Variants in RP1 observed in about 807,000 individuals in gnomAD.
RP1 encodes the protein oxygen-regulated protein 1.
In RP1, 16 loss-of-function variants were observed where a neutral mutation model predicts 14.8. That is an observed-to-expected ratio of 1.08 (90% confidence interval 0.73 to 1.65). The LOEUF is 1.65. Ranked by LOEUF, RP1 falls within the 40% of genes most tolerant of loss-of-function variation. RP1 has a pLI of 0.00. For missense variants in RP1, 2,631 were observed against 2,535.0 expected, an observed-to-expected ratio of 1.04 and a Z score of -0.81; for synonymous variants, 876 against 883.6, an observed-to-expected ratio of 0.99 and a Z score of 0.15.
chr8:54,778,485 C>T (rs545658143), intron 23 of RP1, among the ~76,000 whole-genome samples: 6 of 151,692 alleles, frequency 4.0e-5, no homozygotes, highest in African/African-American at 1.2e-4. Flanking sequence ...CCACCATGCC[C>T]GGCTAATTTT....
At chr8:54,701,391 A>G (rs1808012946) in intron 13 of RP1, 2 of 1,015,522 alleles carry the variant, frequency 2.0e-6, no homozygotes, top group Middle Eastern at 3.1e-4. Flanking sequence ...GTTTCCATAA[A>G]ATGAAGTAGA....
At chr8:54,837,767 C>G (rs988365590) in intron 25 of RP1, 53 of 599,424 alleles carry the variant, frequency 8.8e-5, no homozygotes, top group Non-Finnish European at 1.1e-4. Context: ...AAGGACCAGA[C>G]AGTAAATATC....
At chr8:54,828,844 C>G (rs1752788640) in intron 24 of RP1, among the ~76,000 whole-genome samples, 1 of 80,934 alleles carries the variant, frequency 1.2e-5, no homozygotes, top group African/African-American at 3.8e-5. Context: ...CCATTATAAT[C>G]TTCTTCTTCT....
intron 12 of RP1, chr8:54,696,535 G>A (rs1807867601): frequency 1.3e-6 from 1 of 774,988 alleles, no homozygotes; most frequent in African/African-American, 1.7e-5. Flanking sequence ...AAGGAAAAGG[G>A]CTCAGGTTTA....
intron 26 of RP1, among the ~76,000 whole-genome samples, chr8:54,854,308 A>G (rs1030891261): frequency 6.6e-6 from 1 of 152,228 alleles, no homozygotes; most frequent in Non-Finnish European, 1.5e-5. Flanking sequence ...AAAGTCAAAT[A>G]TAGCAAAGAA....
chr8:54,783,230 T>C (rs1422120160), intron 23 of RP1, among the ~76,000 whole-genome samples: 1 of 152,108 alleles, frequency 6.6e-6, no homozygotes, highest in African/African-American at 2.4e-5. Context: ...ATTTGACAGT[T>C]ATTTGCCTAA....
At chr8:54,639,017 C>A (rs1806407958) in intron 3 of RP1, among the ~76,000 whole-genome samples, 1 of 151,996 alleles carries the variant, frequency 6.6e-6, no homozygotes, top group Non-Finnish European at 1.5e-5. Flanking sequence ...CACATAATCA[C>A]CACTATAGTA....
exon 21 of RP1, chr8:54,755,746 G>A: frequency 6.6e-7 from 1 of 1,525,932 alleles, no homozygotes; most frequent in Non-Finnish European, 8.8e-7. Context: ...AATCTAACAT[G>A]CAAGTAAAAT....
chr8:54,699,531 T>A, exon 13 of RP1: 2 of 1,414,646 alleles, frequency 1.4e-6, no homozygotes, highest in Non-Finnish European at 9.3e-7. Flanking sequence ...AGATGAGGCA[T>A]CTTTCTCTTG....
At chr8:54,717,503 G>A (rs920538335) in intron 15 of RP1, among the ~76,000 whole-genome samples, 1 of 152,140 alleles carries the variant, frequency 6.6e-6, no homozygotes, top group Non-Finnish European at 1.5e-5. Context: ...AAATTTGATA[G>A]ATCATGTGGA....
At chr8:54,608,572 T>A (rs1282359595) in intron 1 of RP1, among the ~76,000 whole-genome samples, 2 of 152,082 alleles carry the variant, frequency 1.3e-5, no homozygotes, top group African/African-American at 4.8e-5. Context: ...AAGGGAGGAA[T>A]CTAGTGAAAA....
intron 7 of RP1, among the ~76,000 whole-genome samples, chr8:54,668,717 C>T (rs1405536163): frequency 6.6e-6 from 1 of 152,128 alleles, no homozygotes; most frequent in Non-Finnish European, 1.5e-5. Context: ...TCAGAAATAA[C>T]ACCACACATC....
At chr8:54,693,768 G>A (rs1349066622) in intron 12 of RP1, among the ~76,000 whole-genome samples, 1 of 152,028 alleles carries the variant, frequency 6.6e-6, no homozygotes, top group Non-Finnish European at 1.5e-5. Context: ...CTGCAAACAT[G>A]GACAATTTGA....
At chr8:54,819,442 T>C (rs1027477877) in intron 24 of RP1, among the ~76,000 whole-genome samples, 4 of 152,164 alleles carry the variant, frequency 2.6e-5, no homozygotes, top group African/African-American at 9.7e-5. Flanking sequence ...CACATATCTC[T>C]GTCTCTCCAG....
At chr8:54,809,774 G>A (rs1810943383) in intron 24 of RP1, among the ~76,000 whole-genome samples, 1 of 152,194 alleles carries the variant, frequency 6.6e-6, no homozygotes, top group African/African-American at 2.4e-5. Context: ...AAAAGTAAGT[G>A]GTGACTTCAG....
At position 54,627,021 on chromosome 8, in the gene RP1, C is replaced by T. The variant is rs1444150783; in HGVS notation, c.3139C>T (p.Pro1047Ser). The change falls in exon 4 of 4, where the codon CCA becomes TCA. Residue 1047 changes from proline to serine, a missense_variant. Pro to Ser is a moderately conservative substitution (Grantham distance 74). Coordinates refer to ENST00000220676, the MANE Select transcript of RP1 (RefSeq NM_006269.2). ...KSHIAAEKSG[P>S]EKKLVYQEIN... ...TCATATAGCTGCTGAAAAATCAGGACCAGAGAAAAAACTTGTTTACCAGGA... is the reference window on the plus strand; with the variant it reads ...TCATATAGCTGCTGAAAAATCAGGATCAGAGAAAAAACTTGTTTACCAGGA... 3 of 1,613,610 alleles carry T rather than the reference C, an allele frequency of 1.9e-6. No homozygotes were observed. In the African/African-American group the frequency reaches 4.0e-5, roughly 22 times the overall value.
At chr8:54,762,205 G>A (rs373098515) in intron 22 of RP1, among the ~76,000 whole-genome samples, 67 of 152,154 alleles carry the variant, frequency 4.4e-4, no homozygotes, top group African/African-American at 1.3e-3. Flanking sequence ...AGAAAATCTC[G>A]GTCATGCTCC....
chr8:54,738,998 C>T (rs1006867819), exon 19 of RP1: 9 of 1,530,864 alleles, frequency 5.9e-6, no homozygotes, highest in South Asian at 1.2e-5. Context: ...CATGATGGAA[C>T]CAGTGAGCAA....
intron 25 of RP1, chr8:54,837,721 G>A (rs976599816): frequency 2.9e-6 from 3 of 1,051,358 alleles, no homozygotes; most frequent in African/African-American, 3.3e-5. Flanking sequence ...AAATAATTGA[G>A]ATGATTTAGA....
Sources: gnomAD v4.1 joint callset for allele counts (sites outside exome capture counted in the v4.1 genomes callset) on GRCh38, gnomAD v4.1.1 for gene constraint, MANE v1.5 for transcripts, NCBI Gene and HGNC (gene_info 2026-07-23, HGNC 2026-07-21) for gene names.